SIRPG: variants seen among roughly 807,000 people sequenced by gnomAD.
SIRPG encodes signal-regulatory protein gamma.
In SIRPG, 38 loss-of-function variants were observed where a neutral mutation model predicts 35.7. The observed-to-expected ratio is 1.06, with a 90% confidence interval of 0.82 to 1.40. The LOEUF is 1.40. SIRPG is among the 40% of genes most tolerant of loss of function. SIRPG has a pLI of 0.00. For synonymous variants in SIRPG, 215 were observed against 190.4 expected (o/e 1.13, Z -1.06); for missense variants, 519 against 483.0 (o/e 1.07, Z -0.70).
chr20:1,636,182 C>T lies in SIRPG; in HGVS notation c.748+6G>A, dbSNP rs1358286838. 5.6e-6 allele frequency: 9 copies of T among 1,614,128 alleles called. No homozygotes were observed. Among genetic ancestry groups the T allele is most frequent in the African/African-American group, 2.7e-5 (2 of 75,040 alleles). ...TGGGCTTGGGCTGGGTGTGAGGGTC[C>T]TCTACCTCGGATGGCCTCAGACAAG... On this transcript the variant is annotated splice_donor_region_variant and intron_variant, in intron 3 of 5. Coordinates refer to ENST00000303415, the MANE Select transcript of SIRPG (RefSeq NM_018556.4).
rs568514014 is a variant in SIRPG, at chr20:1,642,883, G to A, written c.430+6169C>T. Among the ~76,000 whole-genome samples, 3 of 152,274 alleles carry A rather than the reference G, an allele frequency of 2.0e-5. No individual in the cohort carries two copies. In the East Asian group the frequency reaches 5.8e-4, roughly 29 times the overall value. On this transcript the variant is annotated intron_variant, in intron 2 of 5. Coordinates refer to ENST00000303415, the MANE Select transcript of SIRPG (RefSeq NM_018556.4). Reference sequence around the variant, plus strand: ...GTTGAAAATTCTTTTGTTTAAGAATGTTGAATATTGGCCCCCACTCTCTCC... The same window carrying A: ...GTTGAAAATTCTTTTGTTTAAGAATATTGAATATTGGCCCCCACTCTCTCC...
chr20:1,676,724 C>T, the SIRPG span: 1 of 188,776 alleles, frequency 5.3e-6, no homozygotes, highest in Non-Finnish European at 1.1e-5. Context: ...AAGTAGCCTT[C>T]TCTTGGACTG....
chr20:1,634,584 G>A (rs991239345), intron 4 of SIRPG, among the ~76,000 whole-genome samples: 1 of 152,106 alleles, frequency 6.6e-6, no homozygotes. Context: ...CATAAATGAG[G>A]ATGGAAAAGT....
the SIRPG span, among the ~76,000 whole-genome samples, chr20:1,685,192 T>G: frequency 6.6e-6 from 1 of 152,150 alleles, no homozygotes; most frequent in Non-Finnish European, 1.5e-5. Flanking sequence ...CTGCCTGTCC[T>G]GGGGAAGGGA....
upstream of SIRPG, among the ~76,000 whole-genome samples, chr20:1,658,170 G>A (rs188641654): frequency 3.9e-5 from 6 of 152,302 alleles, no homozygotes; most frequent in Non-Finnish European, 7.3e-5. Flanking sequence ...CTGGACGTAG[G>A]AGAAGAGTTC....
the SIRPG span, chr20:1,666,738 G>C: frequency 6.6e-6 from 1 of 152,108 alleles, no homozygotes; most frequent in Non-Finnish European, 1.5e-5. Context: ...AGGACTTCAC[G>C]TGCATGCATC....
At chr20:1,671,915 G>A in the SIRPG span, among the ~76,000 whole-genome samples, 5 of 152,224 alleles carry the variant, frequency 3.3e-5, no homozygotes, top group Non-Finnish European at 5.9e-5. Context: ...ACCCACAACC[G>A]TCTGGAGTGG....
chr20:1,680,709 TG>T, the SIRPG span, among the ~76,000 whole-genome samples: 36,456 of 152,120 alleles, frequency 0.24, 5,115 homozygotes, highest in East Asian at 0.58. Flanking sequence ...GAAAAACACA[TG>T]ATTATCCATT....
the SIRPG span, among the ~76,000 whole-genome samples, chr20:1,678,455 G>A: frequency 6.6e-6 from 1 of 151,874 alleles, no homozygotes; most frequent in South Asian, 2.1e-4. Flanking sequence ...TCATTAAAGA[G>A]GTTCTCTAAC....
At chr20:1,658,703 C>T (rs575876845), upstream of SIRPG, among the ~76,000 whole-genome samples, 26 of 152,250 alleles carry the variant, frequency 1.7e-4, no homozygotes, top group African/African-American at 6.3e-4. Context: ...ATGAGCATAT[C>T]ATGCCTGAAA....
the SIRPG span, among the ~76,000 whole-genome samples, chr20:1,670,637 G>GCTATCTAGCAAGCTAGCAAGCTAT: frequency 6.6e-6 from 1 of 152,122 alleles, no homozygotes; most frequent in African/African-American, 2.4e-5. Context: ...GAGCTTGCTA[G>GCTATCTAGCAAGCTAGCAAGCTAT]CTATCTAGCA....
At chr20:1,670,135 C>A in the SIRPG span, 1 of 259,756 alleles carries the variant, frequency 3.8e-6, no homozygotes, top group Non-Finnish European at 8.5e-6. Context: ...TGTTCTCCAA[C>A]CAGGTCAGCT....
intron 1 of SIRPG, among the ~76,000 whole-genome samples, chr20:1,657,326 G>A (rs2091981480): frequency 6.6e-6 from 1 of 152,118 alleles, no homozygotes; most frequent in Admixed American, 6.5e-5. Flanking sequence ...GAGGAGGAGG[G>A]CACACAAAAA....
In SIRPG at chr20:1,649,139, C is replaced by T. The variant is rs1201647688; in HGVS notation, c.343G>A (p.Gly115Ser). 4.3e-6 allele frequency: 7 copies of T among 1,613,790 alleles called. No individual in the cohort carries two copies. In the African/African-American group the frequency reaches 5.3e-5, roughly 12 times the overall value. The change falls in exon 2 of 6, where the codon GGC becomes AGC. Residue 115 changes from glycine (G) to serine (S), a missense_variant. Physicochemically the swap from Gly to Ser is moderately conservative, Grantham distance 56. Transcript: ENST00000303415. The part of the protein sequence containing the change: ...RISSITPADV[G>S]TYYCVKFRKG... ...CGAAACTTCACACAGTAGTATGTGC[C>T]GACATCTGCTGGGGTGATGCTACTG...
chr20:1,645,042 G>T (rs2091887434), intron 2 of SIRPG, among the ~76,000 whole-genome samples: 1 of 152,132 alleles, frequency 6.6e-6, no homozygotes, highest in Admixed American at 6.5e-5. Context: ...AGACTTTTGG[G>T]GCTGAGGAGT....
At chr20:1,634,401 G>C (rs2091775569) in intron 4 of SIRPG, among the ~76,000 whole-genome samples, 1 of 151,684 alleles carries the variant, frequency 6.6e-6, no homozygotes, top group Non-Finnish European at 1.5e-5. Context: ...TAGAGATGGG[G>C]TTTCACCGTG....
chr20:1,648,265 G>A (rs2091911813), intron 2 of SIRPG: 1 of 152,170 alleles, frequency 6.6e-6, no homozygotes. Flanking sequence ...ATTCTGAGAT[G>A]ACCCAGCTCT....
At chr20:1,645,788 C>T (rs551445891) in intron 2 of SIRPG, among the ~76,000 whole-genome samples, 6 of 152,254 alleles carry the variant, frequency 3.9e-5, no homozygotes, top group African/African-American at 1.4e-4. Flanking sequence ...ACTGTTCTGC[C>T]GAAGCTCAGT....
chr20:1,660,072 A>G (rs2091992237), upstream of SIRPG, among the ~76,000 whole-genome samples: 1 of 152,264 alleles, frequency 6.6e-6, no homozygotes, highest in East Asian at 1.9e-4. Context: ...TAATGATCTT[A>G]TAAGGAAAAC....
Sources: gnomAD v4.1 joint callset for allele counts (sites outside exome capture counted in the v4.1 genomes callset) on GRCh38, gnomAD v4.1.1 for gene constraint, MANE v1.5 for transcripts, NCBI Gene and HGNC (gene_info 2026-07-23, HGNC 2026-07-21) for gene names.